TTC29: variants seen among roughly 807,000 people sequenced by gnomAD.
The protein encoded by TTC29 is tetratricopeptide repeat domain 29.
A neutral mutation model predicts 58.1 loss-of-function variants in TTC29; 49 were observed. The observed-to-expected ratio is 0.84, with a 90% confidence interval of 0.67 to 1.07. TTC29 has a LOEUF of 1.07. TTC29 is among the 50% of genes least tolerant of loss of function. TTC29 has a pLI of 0.00. For missense variants in TTC29, 582 were observed against 555.6 expected, an observed-to-expected ratio of 1.05 and a Z score of -0.48; for synonymous variants, 209 against 196.8, an observed-to-expected ratio of 1.06 and a Z score of -0.52.
intron 4 of TTC29, among the ~76,000 whole-genome samples, chr4:146,936,418 CCAAATA>C (rs1408976609): frequency 6.6e-6 from 1 of 152,036 alleles, no homozygotes; most frequent in East Asian, 1.9e-4. Flanking sequence ...AAATCAGAAT[CCAAATA>C]CGGCATACAT....
At chr4:146,919,405 A>G (rs979346091) in intron 4 of TTC29, among the ~76,000 whole-genome samples, 2 of 151,140 alleles carry the variant, frequency 1.3e-5, no homozygotes, top group Admixed American at 6.6e-5. Context: ...ATTCTGGTGT[A>G]TTATGTGTCC....
chr4:146,711,824 TAA>T (rs1742513820), intron 11 of TTC29, among the ~76,000 whole-genome samples: 1 of 152,108 alleles, frequency 6.6e-6, no homozygotes, highest in African/African-American at 2.4e-5. Flanking sequence ...GTAAATCATA[TAA>T]AATTACTCTG....
chr4:146,874,016 G>A (rs1731096603), intron 7 of TTC29, among the ~76,000 whole-genome samples: 1 of 152,050 alleles, frequency 6.6e-6, no homozygotes, highest in East Asian at 1.9e-4. Flanking sequence ...CAAATTAAAA[G>A]CTTATAAGAA....
At chr4:146,928,486 T>C (rs1428567463) in intron 4 of TTC29, among the ~76,000 whole-genome samples, 2 of 152,182 alleles carry the variant, frequency 1.3e-5, no homozygotes, top group African/African-American at 4.8e-5. Flanking sequence ...TGGAAGGAAT[T>C]AAACCTGGAA....
chr4:146,778,679 G>C (rs1748303456), intron 11 of TTC29, among the ~76,000 whole-genome samples: 1 of 152,046 alleles, frequency 6.6e-6, no homozygotes. Context: ...TTCTAGAAAT[G>C]ATGAGCAACA....
chr4:146,862,824 A>G (rs894170007), intron 8 of TTC29, among the ~76,000 whole-genome samples: 12 of 152,202 alleles, frequency 7.9e-5, no homozygotes, highest in Non-Finnish European at 1.6e-4. Context: ...TTAAATAACA[A>G]GAACCAACTA....
At chr4:146,820,047 G>T in intron 10 of TTC29, 78 bp downstream of exon 10, 1 of 1,560,924 alleles carries the variant, frequency 6.4e-7, no homozygotes. Flanking sequence ...AGGATGACAT[G>T]AGAAGATACT....
chr4:146,722,821 C>G (rs754661158), intron 11 of TTC29, among the ~76,000 whole-genome samples: 11 of 152,124 alleles, frequency 7.2e-5, no homozygotes, highest in Non-Finnish European at 1.6e-4. Flanking sequence ...CCTCAGCCAC[C>G]TCAGTAGCTG....
intron 11 of TTC29, among the ~76,000 whole-genome samples, chr4:146,788,997 C>A (rs1403501877): frequency 1.3e-5 from 2 of 152,102 alleles, no homozygotes; most frequent in African/African-American, 4.8e-5. Flanking sequence ...GATAGATGCA[C>A]TGAATAAAAG....
chr4:146,840,091 A>G (rs1728757284), intron 8 of TTC29, among the ~76,000 whole-genome samples: 1 of 152,030 alleles, frequency 6.6e-6, no homozygotes, highest in Non-Finnish European at 1.5e-5. Context: ...GTTATAAAAT[A>G]AAAAGCCAGC....
intron 6 of TTC29, among the ~76,000 whole-genome samples, chr4:146,889,677 A>T (rs1233114003): frequency 1.3e-5 from 2 of 152,206 alleles, no homozygotes; most frequent in African/African-American, 4.8e-5. Context: ...TCCATGACAA[A>T]TAAGAAATTA....
chr4:146,762,492 AC>A (rs1031617175), intron 11 of TTC29, among the ~76,000 whole-genome samples: 1 of 151,946 alleles, frequency 6.6e-6, no homozygotes, highest in Non-Finnish European at 1.5e-5. Context: ...ATAGTAGGCA[AC>A]AGTTAAATAC....
At position 146,790,342 on chromosome 4, in the gene TTC29, C is replaced by A. The variant is rs534388792; in HGVS notation, c.1330+13115G>T. On this transcript the variant is annotated intron_variant, in intron 11 of 12. Transcript: ENST00000325106. Reference sequence around the variant, plus strand: ...TAGCTGGGACTACAGGCGCCCGCCACCATGCCTGGCTAAATTTTGTATTTT... The same window carrying A: ...TAGCTGGGACTACAGGCGCCCGCCAACATGCCTGGCTAAATTTTGTATTTT... Among the ~76,000 whole-genome samples, 1,024 of 152,132 alleles carry A rather than the reference C, an allele frequency of 6.7e-3. 12 individuals carry two copies. The highest frequency in any genetic ancestry group is 8.8e-3 in the Non-Finnish European group (596 of 68,002).
At chr4:146,919,101 A>G (rs1161637498) in intron 4 of TTC29, among the ~76,000 whole-genome samples, 1 of 151,194 alleles carries the variant, frequency 6.6e-6, no homozygotes, top group Non-Finnish European at 1.5e-5. Flanking sequence ...TATACAAAAT[A>G]ATTTGTGTAG....
At chr4:146,920,480 A>G (rs1206461722) in intron 4 of TTC29, among the ~76,000 whole-genome samples, 2 of 151,244 alleles carry the variant, frequency 1.3e-5, no homozygotes, top group Non-Finnish European at 3.0e-5. Flanking sequence ...CACATAAATT[A>G]AAAATGAAAA....
intron 11 of TTC29, among the ~76,000 whole-genome samples, chr4:146,718,420 G>T (rs963656547): frequency 7.2e-5 from 11 of 152,054 alleles, no homozygotes; most frequent in African/African-American, 2.4e-4. Context: ...AACAGGTGTG[G>T]TTTGATATCT....
At chr4:146,883,673 T>C (rs1579905722) in intron 6 of TTC29, among the ~76,000 whole-genome samples, 1 of 152,032 alleles carries the variant, frequency 6.6e-6, no homozygotes, top group Non-Finnish European at 1.5e-5. Flanking sequence ...GCAAGAACTG[T>C]GGGCTCGGTG....
At chr4:146,749,739 C>T (rs1428654747) in intron 11 of TTC29, among the ~76,000 whole-genome samples, 2 of 152,018 alleles carry the variant, frequency 1.3e-5, no homozygotes, top group East Asian at 1.9e-4. Context: ...CTTCAAGGCA[C>T]ATTATAATCA....
At chr4:146,930,100 T>TACACATATATATATATATACAC (rs1343455965) in intron 4 of TTC29, among the ~76,000 whole-genome samples, 4 of 129,534 alleles carry the variant, frequency 3.1e-5, no homozygotes, top group African/African-American at 1.2e-4. Context: ...TATATATATA[T>TACACATATATATATATATACAC]ATATATATAT....
Sources: gnomAD v4.1 joint callset for allele counts (sites outside exome capture counted in the v4.1 genomes callset) on GRCh38, gnomAD v4.1.1 for gene constraint, MANE v1.5 for transcripts, NCBI Gene and HGNC (gene_info 2026-07-23, HGNC 2026-07-21) for gene names.